Variants in CACNB2 observed in about 807,000 individuals in gnomAD.
CACNB2 encodes the protein calcium voltage-gated channel auxiliary subunit beta 2.
Under a neutral mutation model 73.3 loss-of-function variants are expected in CACNB2, and 42 were observed. The observed-to-expected ratio is 0.57, with a 90% CI of 0.45 to 0.74. The LOEUF (loss-of-function observed/expected upper bound fraction) is 0.74. CACNB2 is among the 30% of genes least tolerant of loss of function. CACNB2 has a pLI of 0.00. For missense variants in CACNB2, 940 were observed against 853.0 expected (o/e 1.10, Z -1.27); for synonymous variants, 348 against 310.3 (o/e 1.12, Z -1.28).
At chr10:18,539,146 A>T in intron 13 of CACNB2, 84 bp from the exon 14 acceptor site, 2 of 1,557,430 alleles carry the variant, frequency 1.3e-6, no homozygotes, top group Non-Finnish European at 1.8e-6. Flanking sequence ...CTTAAAAAGG[A>T]CTCTGCTTGA....
At chr10:18,535,072 T>C (rs2053431945) in intron 11 of CACNB2, among the ~76,000 whole-genome samples, 1 of 152,222 alleles carries the variant, frequency 6.6e-6, no homozygotes, top group African/African-American at 2.4e-5. Flanking sequence ...TTAATGAATA[T>C]GATGTTTTAA....
intron 2 of CACNB2, among the ~76,000 whole-genome samples, chr10:18,248,308 C>G (rs1012945132): frequency 1.3e-5 from 2 of 152,094 alleles, no homozygotes; most frequent in African/African-American, 4.8e-5. Flanking sequence ...ATTCGTATTT[C>G]AATTAATTTA....
intron 2 of CACNB2, among the ~76,000 whole-genome samples, chr10:18,399,566 T>A (rs1261398558): frequency 6.6e-6 from 1 of 151,978 alleles, no homozygotes; most frequent in Non-Finnish European, 1.5e-5. Flanking sequence ...GAAGACTTTT[T>A]GAGATAGGGT....
At chr10:18,259,568 A>C (rs113394786) in intron 2 of CACNB2, among the ~76,000 whole-genome samples, 4,590 of 133,022 alleles carry the variant, frequency 0.035, 448 homozygotes, top group African/African-American at 0.12. Context: ...AACAAACAAA[A>C]AAAAAAAGTA....
intron 2 of CACNB2, among the ~76,000 whole-genome samples, chr10:18,317,038 TGAAAG>T (rs1168365927): frequency 2.0e-5 from 3 of 152,096 alleles, no homozygotes; most frequent in African/African-American, 7.2e-5. Flanking sequence ...CAGCAAGAAT[TGAAAG>T]GAAACACATT....
intron 2 of CACNB2, among the ~76,000 whole-genome samples, chr10:18,281,125 A>G (rs548311040): frequency 7.9e-5 from 12 of 152,310 alleles, no homozygotes; most frequent in African/African-American, 2.6e-4. Context: ...ATTTGAGTCT[A>G]TCTGATTGTT....
At chr10:18,317,773 AT>A (rs748774421) in intron 2 of CACNB2, among the ~76,000 whole-genome samples, 36 of 152,052 alleles carry the variant, frequency 2.4e-4, no homozygotes, top group Non-Finnish European at 4.6e-4. Context: ...TCTGACATTT[AT>A]TTATTCATTT....
At chr10:18,444,336 C>A (rs2046628973) in intron 3 of CACNB2, among the ~76,000 whole-genome samples, 1 of 152,182 alleles carries the variant, frequency 6.6e-6, no homozygotes, top group Non-Finnish European at 1.5e-5. Flanking sequence ...CCAGAACGAT[C>A]TGGGTTAACA....
At chr10:18,261,794 C>T (rs1157557367) in intron 2 of CACNB2, among the ~76,000 whole-genome samples, 8 of 152,176 alleles carry the variant, frequency 5.3e-5, no homozygotes, top group Non-Finnish European at 7.3e-5. Flanking sequence ...ATGGATGACA[C>T]AGCTGTTGCA....
At chr10:18,228,982 T>A (rs1327193644) in intron 2 of CACNB2, among the ~76,000 whole-genome samples, 1 of 152,206 alleles carries the variant, frequency 6.6e-6, no homozygotes, top group African/African-American at 2.4e-5. Flanking sequence ...CCTCAAGTGA[T>A]CCACCTGCCT....
intron 2 of CACNB2, among the ~76,000 whole-genome samples, chr10:18,367,084 T>G (rs2042384710): frequency 6.6e-6 from 1 of 152,234 alleles, no homozygotes; most frequent in Non-Finnish European, 1.5e-5. Flanking sequence ...CCTTCTGAAG[T>G]GGTAAGAAAC....
chr10:18,255,513 CT>C (rs1479685623), intron 2 of CACNB2, among the ~76,000 whole-genome samples: 1 of 152,166 alleles, frequency 6.6e-6, no homozygotes, highest in Non-Finnish European at 1.5e-5. Flanking sequence ...GCCTTGCCCC[CT>C]GGACTTTAAG....
intron 3 of CACNB2, among the ~76,000 whole-genome samples, chr10:18,437,853 C>T (rs1246860186): frequency 1.3e-5 from 2 of 152,002 alleles, no homozygotes; most frequent in African/African-American, 4.8e-5. Context: ...ATGGCTAGAT[C>T]TTTTAAAGAG....
At chr10:18,228,895 T>C (rs983641565) in intron 2 of CACNB2, among the ~76,000 whole-genome samples, 1 of 152,054 alleles carries the variant, frequency 6.6e-6, no homozygotes, top group Non-Finnish European at 1.5e-5. Flanking sequence ...TGTGCCACCA[T>C]GCCTGGCTAA....
chr10:18,334,907 G>A (rs2040942148), intron 2 of CACNB2, among the ~76,000 whole-genome samples: 1 of 152,118 alleles, frequency 6.6e-6, no homozygotes, highest in Non-Finnish European at 1.5e-5. Context: ...AAACCTGGGA[G>A]ATGACAAGGA....
chr10:18,278,622 C>T lies in CACNB2; in HGVS notation c.214-123302C>T, dbSNP rs1307623468. ...TTTATATAGACTAAAATTTTATTTG[C>T]GATAAGGGAAATGGAGATAGAAAAC... On this transcript the variant is annotated intron_variant, in intron 2 of 13. Transcript: ENST00000324631. Among the ~76,000 whole-genome samples the T allele has an allele frequency of 3.3e-5, 5 of 151,832 alleles. No individual in the cohort carries two copies. In the South Asian group the frequency reaches 8.3e-4, roughly 25 times the overall value.
At chr10:18,207,807 A>G (rs11013004) in intron 2 of CACNB2, among the ~76,000 whole-genome samples, 6,692 of 152,330 alleles carry the variant, frequency 0.044, 309 homozygotes, top group East Asian at 0.14. Context: ...TAAAAGCATC[A>G]TATTGTATAC....
intron 12 of CACNB2, among the ~76,000 whole-genome samples, chr10:18,537,506 G>A (rs117392961): frequency 0.022 from 3,398 of 152,072 alleles, 54 homozygotes; most frequent in Non-Finnish European, 0.037. Context: ...GCCGGGCATG[G>A]TGGCTCATAC....
At chr10:18,476,193 C>T (rs1413006028) in intron 3 of CACNB2, among the ~76,000 whole-genome samples, 1 of 152,134 alleles carries the variant, frequency 6.6e-6, no homozygotes, top group Non-Finnish European at 1.5e-5. Context: ...ATTGCCATGG[C>T]ATCTATAAAC....
Sources: gnomAD v4.1 joint callset for allele counts (sites outside exome capture counted in the v4.1 genomes callset) on GRCh38, gnomAD v4.1.1 for gene constraint, MANE v1.5 for transcripts, NCBI Gene and HGNC (gene_info 2026-07-23, HGNC 2026-07-21) for gene names.